ITPRID2: variants seen among roughly 807,000 people sequenced by gnomAD.
ITPRID2 encodes the protein ITPR interacting domain containing 2.
In ITPRID2, 60 loss-of-function variants were observed where a neutral mutation model predicts 124.3. That is an observed-to-expected ratio of 0.48 (90% confidence interval 0.39 to 0.60). The LOEUF is 0.60. ITPRID2 is among the 20% of genes least tolerant of loss of function. The pLI is 0.00. For missense variants in ITPRID2, 1,553 were observed against 1,512.2 expected, an observed-to-expected ratio of 1.03 and a Z score of -0.45; for synonymous variants, 521 against 542.9, an observed-to-expected ratio of 0.96 and a Z score of 0.56.
At chr2:181,897,453 A>C (rs1692294027) in intron 4 of ITPRID2, among the ~76,000 whole-genome samples, 1 of 152,026 alleles carries the variant, frequency 6.6e-6, no homozygotes, top group Non-Finnish European at 1.5e-5. Flanking sequence ...GAGCTAATAG[A>C]ATTTTATTAG....
At chr2:181,915,113 A>T in intron 10 of ITPRID2, 103 bp from the exon 11 acceptor site, 2 of 1,342,392 alleles carry the variant, frequency 1.5e-6, no homozygotes, top group South Asian at 2.8e-5. Context: ...CCACAACTGC[A>T]GTGGAGACAG....
chr2:181,921,900 CA>C (rs774644218), intron 15 of ITPRID2, 47 bp from the exon 16 acceptor site: 1 of 1,521,154 alleles, frequency 6.6e-7, no homozygotes, highest in Non-Finnish European at 8.9e-7. Flanking sequence ...TTTTAGCTAC[CA>C]ATCTTAATTC....
intron 2 of ITPRID2, chr2:181,894,665 CCTGAATA>C: frequency 6.6e-6 from 1 of 152,182 alleles, no homozygotes; most frequent in Admixed American, 6.5e-5. Context: ...CCGTCCATAT[CCTGAATA>C]AAGATACCGT....
chr2:181,901,700 C>T (rs1210206534), intron 7 of ITPRID2, 66 bp from the exon 8 acceptor site: 2 of 1,080,862 alleles, frequency 1.9e-6, no homozygotes, highest in African/African-American at 3.2e-5. Flanking sequence ...CAATAATATG[C>T]ATTTAATATA....
intron 17 of ITPRID2, among the ~76,000 whole-genome samples, chr2:181,928,501 C>T (rs1453920671): frequency 6.6e-6 from 1 of 152,134 alleles, no homozygotes; most frequent in Non-Finnish European, 1.5e-5. Flanking sequence ...TTGGGTCATT[C>T]TACTGAAATT....
rs562243086 is a variant in ITPRID2, at chr2:181,910,216, T to G, written c.1486+245T>G. On this transcript the variant is annotated intron_variant, in intron 9 of 17. Transcript: ENST00000431877. This position sits in a 1 kb window ranked among gnomAD's most constrained non-coding sequence, Gnocchi z 4.1. ...GACCTCATTACACAATTGTGTGTGC[T>G]CTAAGTATTTTACACTATTGCATAA... is the stretch of plus-strand genomic sequence containing the variant. 1.3e-4 allele frequency among the ~76,000 whole-genome samples: 20 copies of G among 152,314 alleles called. No homozygotes were observed. Among genetic ancestry groups the G allele is most frequent in the African/African-American group, 4.8e-4 (20 of 41,580 alleles).
chr2:181,925,622 G>A (rs2125114733), intron 16 of ITPRID2, among the ~76,000 whole-genome samples: 2 of 152,032 alleles, frequency 1.3e-5, no homozygotes, highest in East Asian at 1.9e-4. Flanking sequence ...TCATTCAGAC[G>A]CTTACTGAGT....
chr2:181,892,261 G>A lies in ITPRID2; in HGVS notation c.195G>A (p.Pro65=). The A allele has an allele frequency of 6.5e-7, 1 of 1,548,214 alleles. No homozygotes were observed. Among genetic ancestry groups the A allele is most frequent in the Non-Finnish European group, 8.7e-7 (1 of 1,145,964 alleles). Residue 65 remains proline, a synonymous_variant, in exon 1 of 18, where the codon CCG becomes CCA. Coordinates refer to ENST00000431877, the MANE Select transcript of ITPRID2 (RefSeq NM_001130445.3). This position sits in a 1 kb window ranked among gnomAD's most constrained non-coding sequence, Gnocchi z 5.2. ...EEEDLPGAQL[P]AAGGRGNVPN... Reference sequence around the variant, plus strand: ...AGGACCTCCCCGGCGCGCAGCTGCCGGCAGCGGGGGGAAGAGGTCGGTGCT... The same window carrying A: ...AGGACCTCCCCGGCGCGCAGCTGCCAGCAGCGGGGGGAAGAGGTCGGTGCT...
In ITPRID2 at chr2:181,907,299, G is replaced by A. The variant is rs181058992; in HGVS notation, c.1414-2600G>A. Among the ~76,000 whole-genome samples the A allele has an allele frequency of 3.7e-3, 568 of 152,270 alleles. 2 individuals carry two copies. The highest frequency in any genetic ancestry group is 0.013 in the African/African-American group (530 of 41,568). ...AAAGTGAGTGCCTGTCATTTTAGCAGAACATTGATTTAGAAAGATACAGTC... is the reference window on the plus strand; with the variant it reads ...AAAGTGAGTGCCTGTCATTTTAGCAAAACATTGATTTAGAAAGATACAGTC... On this transcript the variant is annotated intron_variant, in intron 8 of 17. Coordinates refer to ENST00000431877, the MANE Select transcript of ITPRID2 (RefSeq NM_001130445.3). This position sits in a 1 kb window ranked among gnomAD's most constrained non-coding sequence, Gnocchi z 5.1.
rs375361515 is a variant in ITPRID2 at position 181,915,800 on chromosome 2, G to A, written c.2160G>A (p.Leu720=). ...MGRSLLKSKD[L]LKQRYLFAKA... is the part of the protein sequence containing the mutation. ...GTAGCCTGCTAAAATCAAAAGATTT[G>A]TTAAAACAAAGGTACTTATTTGCAA... Residue 720 remains leucine (L), a synonymous_variant, in exon 11 of 18, where the codon TTG becomes TTA. Coordinates refer to ENST00000431877, the MANE Select transcript of ITPRID2 (RefSeq NM_001130445.3). 9 of 1,614,044 alleles carry A rather than the reference G, an allele frequency of 5.6e-6. No individual in the cohort carries two copies. In the Admixed American group the frequency reaches 8.3e-5, roughly 15 times the overall value.
rs1558972163 is a variant in ITPRID2 at position 181,892,307 on chromosome 2, AG to A, written c.211+32del. 6.6e-7 allele frequency: 1 copy of A among 1,526,414 alleles called. No individual in the cohort carries two copies. The highest frequency in any genetic ancestry group is 2.0e-5 in the Admixed American group (1 of 50,168). 94.6% of individuals were successfully genotyped at this position (1,526,414 alleles called of 1,614,324 possible). On this transcript the variant is annotated intron_variant, in intron 1 of 17. Transcript: ENST00000431877. This position sits in a 1 kb window ranked among gnomAD's most constrained non-coding sequence, Gnocchi z 5.2. The stretch of plus-strand genomic sequence containing the variant: ...GTGCTCCCGGCCGGGCTCCGGGGGG[AG>A]GCTGGTGGGCTGGGGAGAGTCTCGT...
intron 9 of ITPRID2, among the ~76,000 whole-genome samples, chr2:181,911,790 T>G (rs1487980727): frequency 1.3e-5 from 2 of 152,224 alleles, no homozygotes; most frequent in Non-Finnish European, 2.9e-5. Context: ...AGTAGCCCTG[T>G]GAGATAGATA....
At chr2:181,900,458 G>A (rs1443016586) in intron 6 of ITPRID2, among the ~76,000 whole-genome samples, 2 of 152,122 alleles carry the variant, frequency 1.3e-5, no homozygotes, top group African/African-American at 4.8e-5. Flanking sequence ...TGTGTTCGTT[G>A]GGGTTAGCTC....
At chr2:181,904,646 G>A (rs915308477) in intron 8 of ITPRID2, among the ~76,000 whole-genome samples, 1 of 152,146 alleles carries the variant, frequency 6.6e-6, no homozygotes, top group African/African-American at 2.4e-5. Flanking sequence ...CTTTCCATGA[G>A]GTTTGATTCT....
intron 6 of ITPRID2, 149 bp from the exon 7 acceptor site, chr2:181,900,547 G>A: frequency 1.6e-6 from 1 of 635,722 alleles, no homozygotes; most frequent in East Asian, 2.8e-5. Context: ...GTGTAAACAT[G>A]GTAAAATAAA....
At chr2:181,903,268 G>T (rs1692828169) in intron 8 of ITPRID2, among the ~76,000 whole-genome samples, 1 of 152,152 alleles carries the variant, frequency 6.6e-6, no homozygotes, top group South Asian at 2.1e-4. Context: ...ATTGCAGTCT[G>T]TGAGGCACAT....
At chr2:181,914,062 G>A (rs1693839053) in intron 10 of ITPRID2, 129 bp downstream of exon 10, 2 of 583,994 alleles carry the variant, frequency 3.4e-6, no homozygotes, top group East Asian at 6.3e-5. Context: ...AAAACTCCTG[G>A]CATGTAGATG....
chr2:181,899,260 G>T, intron 6 of ITPRID2, 148 bp downstream of exon 6: 1 of 605,838 alleles, frequency 1.7e-6, no homozygotes, highest in African/African-American at 1.9e-5. Context: ...ACTGATAGGA[G>T]CTTTTTGTTT....
intron 15 of ITPRID2, 76 bp downstream of exon 15, chr2:181,920,738 A>G: frequency 9.7e-7 from 1 of 1,031,816 alleles, no homozygotes; most frequent in Non-Finnish European, 1.5e-6. Flanking sequence ...CCTAGTTTAG[A>G]TGAAATATAT....
Sources: allele counts gnomAD v4.1 joint callset (sites outside exome capture counted in the v4.1 genomes callset), GRCh38; gene constraint gnomAD v4.1.1; non-coding constraint Gnocchi (gnomAD v3.1); transcripts MANE v1.5; gene names NCBI Gene and HGNC (gene_info 2026-07-23, HGNC 2026-07-21).